Variants in ADAMTSL1 observed in about 807,000 individuals in gnomAD.
ADAMTSL1 encodes ADAMTS-like protein 1.
A neutral mutation model predicts 201.8 loss-of-function variants in ADAMTSL1; 126 were observed. That is an observed-to-expected ratio of 0.62 (90% CI 0.54 to 0.72). The LOEUF is 0.72. Ranked by LOEUF, ADAMTSL1 falls within the 30% of genes least tolerant of loss-of-function variation. ADAMTSL1 has a pLI of 0.00. For missense variants in ADAMTSL1, 2,679 were observed against 2,277.8 expected (o/e 1.18, Z -3.59); for synonymous variants, 1,121 against 903.4 (o/e 1.24, Z -4.32).
intron 1 of ADAMTSL1, among the ~76,000 whole-genome samples, chr9:17,999,173 G>C (rs574496830): frequency 3.3e-5 from 5 of 152,138 alleles, no homozygotes; most frequent in African/African-American, 1.2e-4. Flanking sequence ...TGAACACAAA[G>C]ATAATATACA....
At chr9:18,347,083 G>A (rs1434379579) in intron 2 of ADAMTSL1, among the ~76,000 whole-genome samples, 1 of 152,062 alleles carries the variant, frequency 6.6e-6, no homozygotes, top group East Asian at 1.9e-4. Flanking sequence ...GCTTTGCAGA[G>A]GCTCATCTTG....
chr9:18,593,965 G>A (rs1234070731), intron 4 of ADAMTSL1, among the ~76,000 whole-genome samples: 1 of 151,932 alleles, frequency 6.6e-6, no homozygotes, highest in Non-Finnish European at 1.5e-5. Context: ...TTTCTTTGTA[G>A]ATTTTCTTTT....
chr9:18,835,046 T>G (rs542112844), intron 23 of ADAMTSL1, among the ~76,000 whole-genome samples: 1 of 152,186 alleles, frequency 6.6e-6, no homozygotes, highest in Non-Finnish European at 1.5e-5. Context: ...ACAGCCAAAC[T>G]GTTTTCCAAA....
chr9:18,792,660 G>C (rs1254634121), intron 19 of ADAMTSL1, among the ~76,000 whole-genome samples: 6 of 152,184 alleles, frequency 3.9e-5, no homozygotes, highest in African/African-American at 9.7e-5. Flanking sequence ...TTTTGTGAAA[G>C]CATAAATATT....
chr9:18,336,085 ATTTAATAC>A (rs1216153734), intron 2 of ADAMTSL1, among the ~76,000 whole-genome samples: 1 of 152,162 alleles, frequency 6.6e-6, no homozygotes. Flanking sequence ...ATAAACTGGA[ATTTAATAC>A]TTTACATAAG....
At chr9:17,931,382 G>C (rs934018732) in intron 1 of ADAMTSL1, among the ~76,000 whole-genome samples, 4 of 152,120 alleles carry the variant, frequency 2.6e-5, no homozygotes, top group African/African-American at 9.7e-5. Flanking sequence ...ATTGTATTGA[G>C]GAGCTTTCGA....
At position 18,777,482 on chromosome 9, in the gene ADAMTSL1, C is replaced by T; in HGVS notation, c.3253C>T (p.Leu1085Phe). The T allele has an allele frequency of 2.5e-6, 4 of 1,594,012 alleles. No individual in the cohort carries two copies. Among genetic ancestry groups the T allele is most frequent in the East Asian group, 2.3e-5 (1 of 43,706 alleles). ...GCGCCTGGACGACATCCTGGGGAACCTCTCCCAGCAGCCCGAGGAGCTGCG... is the reference window on the plus strand; with the variant it reads ...GCGCCTGGACGACATCCTGGGGAACTTCTCCCAGCAGCCCGAGGAGCTGCG... ...QRRLDDILGN[L>F]SQQPEELRDL... is the part of the protein sequence containing the mutation. The change falls in exon 19 of 29, where the codon CTC becomes TTC. Residue 1085 changes from leucine (L) to phenylalanine (F), a missense_variant. Transcript: ENST00000380548.
chr9:18,457,803 A>G (rs1820663750), intron 2 of ADAMTSL1, among the ~76,000 whole-genome samples: 1 of 152,224 alleles, frequency 6.6e-6, no homozygotes, highest in Non-Finnish European at 1.5e-5. Flanking sequence ...ATGCAAAAAG[A>G]ATTCCTAATT....
rs1820934378 is a variant in ADAMTSL1, at chr9:18,464,698, C to G, written c.208-40131C>G. On this transcript the variant is annotated intron_variant, in intron 2 of 29. Transcript: ENST00000680146. ...TAAGAGAGTGGTTCATAGCCAATTT[C>G]CTTTTCATAATTACAGTGTTTTATT... Among the ~76,000 whole-genome samples the G allele has an allele frequency of 2.0e-5, 3 of 152,310 alleles. No homozygotes were observed. The South Asian group carries it at 6.2e-4, about 32-fold the overall frequency.
intron 2 of ADAMTSL1, among the ~76,000 whole-genome samples, chr9:18,218,369 C>G (rs1830130704): frequency 6.6e-6 from 1 of 152,102 alleles, no homozygotes; most frequent in Non-Finnish European, 1.5e-5. Flanking sequence ...TATTTGGCTG[C>G]TAATTCTTAC....
intron 24 of ADAMTSL1, among the ~76,000 whole-genome samples, chr9:18,888,795 A>C (rs1431517947): frequency 2.6e-5 from 4 of 152,236 alleles, no homozygotes; most frequent in African/African-American, 9.6e-5. Context: ...AAAAAGATGA[A>C]GAAAGGAGGG....
chr9:17,951,243 G>A (rs1002255309), intron 1 of ADAMTSL1, among the ~76,000 whole-genome samples: 1 of 152,174 alleles, frequency 6.6e-6, no homozygotes, highest in Non-Finnish European at 1.5e-5. Context: ...ATGTGTGGCA[G>A]ATGGTAGTTT....
At chr9:18,329,771 C>T (rs1834959241) in intron 2 of ADAMTSL1, among the ~76,000 whole-genome samples, 1 of 151,600 alleles carries the variant, frequency 6.6e-6, no homozygotes, top group Non-Finnish European at 1.5e-5. Context: ...TATTTCCTCA[C>T]TTATGTATGC....
chr9:18,162,270 C>T (rs537294415), intron 1 of ADAMTSL1, among the ~76,000 whole-genome samples: 31 of 152,102 alleles, frequency 2.0e-4, no homozygotes, highest in African/African-American at 7.5e-4. Context: ...CTTTGATTTC[C>T]CCCTCTGTCA....
intron 2 of ADAMTSL1, among the ~76,000 whole-genome samples, chr9:18,170,687 G>A (rs138867594): frequency 5.1e-4 from 77 of 152,132 alleles, no homozygotes; most frequent in African/African-American, 1.8e-3. Context: ...GTTTTAAATA[G>A]CAAACAGCTT....
In ADAMTSL1 at chr9:17,940,806, C is replaced by CCCA. The variant is rs1554667537; in HGVS notation, c.87+33886_87+33887insACC. Among the ~76,000 whole-genome samples, 5 of 59,062 alleles carry CCCA rather than the reference C, an allele frequency of 8.5e-5. 1 individual carries two copies. Among genetic ancestry groups the CCCA allele is most frequent in the Non-Finnish European group, 1.4e-4 (4 of 29,196 alleles). The allele number at this position is 59,062 out of a possible 152,430, so 38.7% of individuals were successfully genotyped here. On this transcript the variant is annotated intron_variant, in intron 1 of 29. Coordinates refer to the ADAMTSL1 transcript ENST00000680146. ...TTAAAAATAAAAGTAAATAACACCCCCCCCCCAAAAAAAAGAAAGAAATAA... is the reference window on the plus strand; with the variant it reads ...TTAAAAATAAAAGTAAATAACACCCCCCACCCCCCAAAAAAAAGAAAGAAATAA...
chr9:18,480,325 T>C (rs1821660761), intron 1 of ADAMTSL1, among the ~76,000 whole-genome samples: 1 of 152,132 alleles, frequency 6.6e-6, no homozygotes, highest in African/African-American at 2.4e-5. Context: ...TATATGGCAC[T>C]TGTAGGCCTG....
intron 2 of ADAMTSL1, among the ~76,000 whole-genome samples, chr9:18,200,454 T>C (rs1829393850): frequency 6.6e-6 from 1 of 152,120 alleles, no homozygotes; most frequent in African/African-American, 2.4e-5. Flanking sequence ...ACACATGGTG[T>C]TTAAAAACTT....
chr9:18,694,759 C>T (rs1021698306), intron 13 of ADAMTSL1, among the ~76,000 whole-genome samples: 1 of 152,186 alleles, frequency 6.6e-6, no homozygotes, highest in African/African-American at 2.4e-5. Context: ...TGGTGGCCTT[C>T]TTCTCACAGC....
Sources: gnomAD v4.1 joint callset for allele counts (sites outside exome capture counted in the v4.1 genomes callset) on GRCh38, gnomAD v4.1.1 for gene constraint, MANE v1.5 for transcripts, NCBI Gene and HGNC (gene_info 2026-07-23, HGNC 2026-07-21) for gene names.